CWF19L1: variants seen among roughly 807,000 people sequenced by gnomAD.
CWF19L1 encodes CWF19 like cell cycle control factor 1.
CWF19L1 carries 60 observed loss-of-function variants against 69.7 expected under a neutral mutation model. That is an observed-to-expected ratio of 0.86 (90% CI 0.70 to 1.07). The LOEUF (loss-of-function observed/expected upper bound fraction) is 1.07, where lower values mean the gene tolerates loss of function less well. Ranked by LOEUF, CWF19L1 falls within the 50% of genes least tolerant of loss-of-function variation. The pLI is 0.00. For missense variants in CWF19L1, 591 were observed against 638.9 expected, an observed-to-expected ratio of 0.92 and a Z score of 0.81; for synonymous variants, 209 against 222.2, an observed-to-expected ratio of 0.94 and a Z score of 0.53.
At chr10:100,264,635 T>TA (rs1847513567) in intron 1 of CWF19L1, among the ~76,000 whole-genome samples, 1 of 149,118 alleles carries the variant, frequency 6.7e-6, no homozygotes, top group South Asian at 2.1e-4. Context: ...AAGTTGACTG[T>TA]AAAAAAGCCT....
At chr10:100,243,859 AT>A in intron 9 of CWF19L1, 82 bp from the exon 10 acceptor site, 1 of 1,140,622 alleles carries the variant, frequency 8.8e-7, no homozygotes, top group Non-Finnish European at 1.3e-6. Context: ...GCTTTGTCTG[AT>A]TTTTATATCC....
chr10:100,247,704 G>A lies in CWF19L1; in HGVS notation c.709-769C>T, dbSNP rs528039469. 2.0e-4 allele frequency among the ~76,000 whole-genome samples: 30 copies of A among 152,252 alleles called. No homozygotes were observed. The South Asian group carries it at 5.6e-3, about 28-fold the overall frequency. Reference sequence around the variant, plus strand: ...GAGGTCAGGAGATAGAGACCAGCCCGACCAACATGGAGAAATCCCATCTCT... The same window carrying A: ...GAGGTCAGGAGATAGAGACCAGCCCAACCAACATGGAGAAATCCCATCTCT... On this transcript the variant is annotated intron_variant, in intron 7 of 13. Coordinates refer to ENST00000354105, the MANE Select transcript of CWF19L1 (RefSeq NM_018294.6).
At chr10:100,246,657 A>T in intron 8 of CWF19L1, 138 bp downstream of exon 8, 1 of 894,722 alleles carries the variant, frequency 1.1e-6, no homozygotes, top group Non-Finnish European at 1.6e-6. Context: ...GAAATCTACT[A>T]AGATTTTCTA....
chr10:100,261,935 G>T, intron 2 of CWF19L1, 44 bp downstream of exon 2: 1 of 1,522,386 alleles, frequency 6.6e-7, no homozygotes, highest in South Asian at 1.2e-5. Flanking sequence ...TTTTATGTGT[G>T]ACTACAAAGG....
intron 7 of CWF19L1, chr10:100,248,741 G>T: frequency 8.1e-7 from 1 of 1,239,900 alleles, no homozygotes. Context: ...GCCACCTTTG[G>T]GCTCATCCTG....
Position 100,233,124 on chromosome 10 carries a change from G to T in CWF19L1, c.*103C>A. The T allele has an allele frequency of 3.3e-6, 4 of 1,217,796 alleles. No individual in the cohort carries two copies. Among genetic ancestry groups the T allele is most frequent in the Non-Finnish European group, 4.5e-6 (4 of 895,848 alleles). 75.4% of individuals were successfully genotyped at this position (1,217,796 alleles called of 1,614,324 possible). On this transcript the variant is annotated 3_prime_UTR_variant, in exon 14 of 14. Coordinates refer to ENST00000354105, the MANE Select transcript of CWF19L1 (RefSeq NM_018294.6). ...AGTTATGCCACTGCAATCCTGCTTGGGTGACAGAGCGAGACTTTGTCTCAA... is the reference window on the plus strand; with the variant it reads ...AGTTATGCCACTGCAATCCTGCTTGTGTGACAGAGCGAGACTTTGTCTCAA...
intron 10 of CWF19L1, among the ~76,000 whole-genome samples, chr10:100,240,213 A>G (rs1846594459): frequency 6.6e-6 from 1 of 152,200 alleles, no homozygotes; most frequent in Non-Finnish European, 1.5e-5. Context: ...AGTAAAATGC[A>G]TTGATTTTGC....
At chr10:100,242,336 G>A (rs1395682603) in intron 10 of CWF19L1, among the ~76,000 whole-genome samples, 1 of 152,174 alleles carries the variant, frequency 6.6e-6, no homozygotes, top group South Asian at 2.1e-4. Flanking sequence ...TCTTTGATGT[G>A]ATCAGTTAGT....
Position 100,233,084 on chromosome 10 carries a change from G to T in CWF19L1, c.*143C>A. On this transcript the variant is annotated 3_prime_UTR_variant, in exon 14 of 14. Transcript: ENST00000354105. ...GAACTCTAGAGCCCAGGAGGTTGAG[G>T]CTACAGTGAGCCACAGTTATGCCAC... The T allele has an allele frequency of 1.3e-6, 1 of 770,242 alleles. No individual in the cohort carries two copies. Among genetic ancestry groups the T allele is most frequent in the Non-Finnish European group, 1.9e-6 (1 of 514,030 alleles). The allele number at this position is 770,242 out of a possible 1,614,324, so 47.7% of individuals were successfully genotyped here.
At chr10:100,236,263 T>C (rs900829186) in intron 12 of CWF19L1, among the ~76,000 whole-genome samples, 2 of 152,008 alleles carry the variant, frequency 1.3e-5, no homozygotes, top group South Asian at 2.1e-4. Context: ...CATGCCACCA[T>C]GCCAAGCTTA....
intron 6 of CWF19L1, 44 bp from the exon 7 acceptor site, chr10:100,250,376 T>C: frequency 7.7e-7 from 1 of 1,302,978 alleles, no homozygotes; most frequent in South Asian, 1.2e-5. Context: ...CAATTTTACT[T>C]TTGATTTGCA....
At chr10:100,239,636 C>T (rs888573202) in intron 10 of CWF19L1, among the ~76,000 whole-genome samples, 2 of 151,882 alleles carry the variant, frequency 1.3e-5, no homozygotes, top group East Asian at 1.9e-4. Flanking sequence ...AAGACTGTCT[C>T]AGGAAAAAAA....
At position 100,233,018 on chromosome 10, in the gene CWF19L1, T is replaced by A; in HGVS notation, c.*209A>T. The A allele has an allele frequency of 2.6e-6, 1 of 383,098 alleles. No individual in the cohort carries two copies. Among genetic ancestry groups the A allele is most frequent in the Non-Finnish European group, 4.6e-6 (1 of 218,552 alleles). The allele number at this position is 383,098 out of a possible 1,614,324, so 23.7% of individuals were successfully genotyped here. ...AAAAAGTTTGCCAGGCATGGTAGCA[T>A]GCGCCTGTGGTCCCAGCTACTCATG... On this transcript the variant is annotated 3_prime_UTR_variant, in exon 14 of 14. Transcript: ENST00000354105.
rs1846414159 is a variant in CWF19L1, at chr10:100,235,755, G to A, written c.1384C>T (p.Pro462Ser). 1 of 1,609,580 alleles carries A rather than the reference G, an allele frequency of 6.2e-7. No homozygotes were observed. Among genetic ancestry groups the A allele is most frequent in the Non-Finnish European group, 8.5e-7 (1 of 1,178,326 alleles). Residue 462 changes from proline (P) to serine (S), a missense_variant, in exon 13 of 14, where the codon CCA (proline) becomes TCA (serine). Around this residue, in one of 3 missense-constraint regions of CWF19L1, gnomAD observed 458 missense variants for 489.3 expected, o/e 0.94. Coordinates refer to ENST00000354105, the MANE Select transcript of CWF19L1 (RefSeq NM_018294.6). ...TCAACATAAAAATATGCTGCTCCTG[G>A]CTGTGCAATCTAAAGTAAACAGAGT... ...EHSDIKQIAQ[P>S]GAAYFYVELD...
intron 1 of CWF19L1, chr10:100,262,327 G>A (rs1392283314): frequency 1.0e-5 from 10 of 985,264 alleles, no homozygotes; most frequent in Non-Finnish European, 1.2e-5. Flanking sequence ...TTGTGGACAT[G>A]TCTATGGCTG....
chr10:100,250,106 A>G (rs1846972499), intron 7 of CWF19L1, 142 bp downstream of exon 7: 1 of 679,156 alleles, frequency 1.5e-6, no homozygotes, highest in Non-Finnish European at 2.6e-6. Context: ...TTTCATTACC[A>G]TACCTTTACA....
intron 4 of CWF19L1, 25 bp from the exon 5 acceptor site, chr10:100,256,501 A>G (rs375638202): frequency 2.5e-5 from 40 of 1,599,850 alleles, no homozygotes; most frequent in Non-Finnish European, 3.3e-5. Flanking sequence ...AAATGAACAA[A>G]TTTTAGTCAG....
In CWF19L1 at chr10:100,232,362, C is replaced by A. The variant is rs541793231; in HGVS notation, c.*865G>T. On this transcript the variant is annotated 3_prime_UTR_variant, in exon 14 of 14. Transcript: ENST00000354105. ...AGGTTTTTGAAAATGTTGATATACA[C>A]AAGCTGTACTTGGAGCTGGATAACA... 6.6e-6 allele frequency: 1 copy of A among 152,378 alleles called. No individual in the cohort carries two copies. Among genetic ancestry groups the A allele is most frequent in the African/African-American group, 2.4e-5 (1 of 41,586 alleles). 9.4% of individuals were successfully genotyped at this position (152,378 alleles called of 1,614,324 possible).
chr10:100,246,295 G>C (rs527451182), intron 8 of CWF19L1, among the ~76,000 whole-genome samples: 1 of 152,322 alleles, frequency 6.6e-6, no homozygotes, highest in South Asian at 2.1e-4. Context: ...AGATGAGAAG[G>C]CTGCTTGGAA....
Sources: allele counts gnomAD v4.1 joint callset (sites outside exome capture counted in the v4.1 genomes callset), GRCh38; gene constraint gnomAD v4.1.1; regional missense constraint gnomAD v4.1.1; transcripts MANE v1.5; gene names NCBI Gene and HGNC (gene_info 2026-07-23, HGNC 2026-07-21).